Variants in PRKCH observed in about 807,000 individuals in gnomAD.
PRKCH encodes the protein protein kinase C eta, also known as protein kinase C eta type.
A neutral mutation model predicts 82.5 loss-of-function variants in PRKCH; 28 were observed. The ratio of observed to expected loss-of-function variants is 0.34; its 90% CI spans 0.25 to 0.47. PRKCH has a LOEUF of 0.47. Ranked by LOEUF, PRKCH falls within the 20% of genes least tolerant of loss-of-function variation. The pLI is 1.00. For synonymous variants in PRKCH, 322 were observed against 327.4 expected, an observed-to-expected ratio of 0.98 and a Z score of 0.18; for missense variants, 705 against 881.8, an observed-to-expected ratio of 0.80 and a Z score of 2.54.
At chr14:61,235,153 T>C (rs2044777415) in intron 1 of PRKCH, among the ~76,000 whole-genome samples, 1 of 152,178 alleles carries the variant, frequency 6.6e-6, no homozygotes, top group Admixed American at 6.5e-5. Flanking sequence ...ACCCCTTAAA[T>C]TTCCATAGTA....
intron 1 of PRKCH, among the ~76,000 whole-genome samples, chr14:61,253,914 A>T (rs2044970989): frequency 6.6e-6 from 1 of 152,016 alleles, no homozygotes; most frequent in African/African-American, 2.4e-5. Context: ...TAATTATTAA[A>T]GGTGAGGTAA....
chr14:61,219,623 C>G (rs984093884), intron 1 of PRKCH, among the ~76,000 whole-genome samples: 3 of 152,144 alleles, frequency 2.0e-5, no homozygotes, highest in Admixed American at 2.0e-4. Context: ...AGATCAGTTC[C>G]TTTATATCTT....
intron 10 of PRKCH, among the ~76,000 whole-genome samples, chr14:61,505,457 C>A (rs1339273847): frequency 7.5e-6 from 1 of 133,852 alleles, no homozygotes; most frequent in Non-Finnish European, 1.5e-5. Flanking sequence ...CCCACTGCAA[C>A]CTCCACCTAC....
Position 61,457,263 on chromosome 14 carries a change from C to A in PRKCH, c.1048C>A (p.Leu350Ile). ...GATTGGGGTTAATTCTTCCAACCGA[C>A]TTGGTATCGACAACTTTGAGTTCAT... Reference protein sequence around the residue: ...NGIGVNSSNRLGIDNFEFIRV... With the variant: ...NGIGVNSSNRIGIDNFEFIRV... The change falls in exon 8 of 14, where the codon CTT becomes ATT. Residue 350 changes from leucine (L) to isoleucine (I), a missense_variant. Leu to Ile is a conservative substitution (Grantham distance 5). This residue lies in a region of PRKCH where 238 missense variants were observed against 258.1 expected (regional missense o/e 0.92). Transcript: ENST00000332981. 1 of 1,614,176 alleles carries A rather than the reference C, an allele frequency of 6.2e-7. No homozygotes were observed. The highest frequency in any genetic ancestry group is 1.1e-5 in the South Asian group (1 of 91,082).
At chr14:61,194,398 C>T (rs918199734) in intron 1 of PRKCH, among the ~76,000 whole-genome samples, 1 of 152,184 alleles carries the variant, frequency 6.6e-6, no homozygotes, top group Non-Finnish European at 1.5e-5. Flanking sequence ...GGTGATAGCA[C>T]TCTCATGAGT....
chr14:61,190,594 C>T (rs775545475), intron 1 of PRKCH, among the ~76,000 whole-genome samples: 1 of 152,196 alleles, frequency 6.6e-6, no homozygotes, highest in Non-Finnish European at 1.5e-5. Context: ...AAATCTAAAC[C>T]GTGTTCTCCA....
chr14:61,274,477 T>C (rs187101441), intron 1 of PRKCH, among the ~76,000 whole-genome samples: 3 of 152,218 alleles, frequency 2.0e-5, no homozygotes, highest in Admixed American at 2.0e-4. Flanking sequence ...TGGAGCCCAA[T>C]TAGGAGGCTT....
intron 1 of PRKCH, among the ~76,000 whole-genome samples, chr14:61,252,041 T>C (rs1256548737): frequency 6.6e-6 from 1 of 152,188 alleles, no homozygotes; most frequent in Non-Finnish European, 1.5e-5. Context: ...GGTTTCACCA[T>C]GTTGGTCAGG....
chr14:61,504,752 G>A (rs975365362), intron 10 of PRKCH, among the ~76,000 whole-genome samples: 1 of 152,126 alleles, frequency 6.6e-6, no homozygotes, highest in Non-Finnish European at 1.5e-5. Flanking sequence ...CTTAGTTTCA[G>A]AGACACACTG....
chr14:61,236,431 C>G (rs1033336956), intron 1 of PRKCH, among the ~76,000 whole-genome samples: 13 of 151,764 alleles, frequency 8.6e-5, no homozygotes, highest in African/African-American at 2.9e-4. Flanking sequence ...CTGGCTCCAC[C>G]GGGCGCAGTA....
At chr14:61,392,087 T>G (rs530559217) in intron 2 of PRKCH, among the ~76,000 whole-genome samples, 1 of 152,308 alleles carries the variant, frequency 6.6e-6, no homozygotes, top group South Asian at 2.1e-4. Flanking sequence ...ATATCAGTAT[T>G]TTTTTCATTT....
chr14:61,468,664 GA>G lies in PRKCH; in HGVS notation c.1278+10988del, dbSNP rs545369364. The stretch of plus-strand genomic sequence containing the variant: ...GATATTTGGTGTGACAAAAGGATTT[GA>G]AATAGTTGGCCTGTTTTTTTCAGTT... On this transcript the variant is annotated intron_variant, in intron 9 of 13. Transcript: ENST00000332981. 1.7e-3 allele frequency among the ~76,000 whole-genome samples: 255 copies of G among 149,384 alleles called. 3 individuals carry two copies. The highest frequency in any genetic ancestry group is 0.01 in the Middle Eastern group (3 of 292).
At position 61,392,676 on chromosome 14, in the gene PRKCH, C is replaced by T. The variant is rs551481284; in HGVS notation, c.427+1388C>T. Reference sequence around the variant, plus strand: ...AAATAGGTATTGTGATTACTTTTTCCCAGTCTGTGGCTTGCCTTTTCATTT... The same window carrying T: ...AAATAGGTATTGTGATTACTTTTTCTCAGTCTGTGGCTTGCCTTTTCATTT... On this transcript the variant is annotated intron_variant, in intron 2 of 13. Transcript: ENST00000332981. 2.6e-5 allele frequency among the ~76,000 whole-genome samples: 4 copies of T among 151,988 alleles called. No homozygotes were observed. In the South Asian group the frequency reaches 8.3e-4, roughly 32 times the overall value.
chr14:61,509,889 T>C (rs752078079), intron 10 of PRKCH, among the ~76,000 whole-genome samples: 1 of 152,120 alleles, frequency 6.6e-6, no homozygotes, highest in Non-Finnish European at 1.5e-5. Context: ...CCCTCCATCC[T>C]GGGTGACAAA....
intron 1 of PRKCH, among the ~76,000 whole-genome samples, chr14:61,200,068 T>C (rs1341020973): frequency 6.6e-6 from 1 of 152,182 alleles, no homozygotes; most frequent in African/African-American, 2.4e-5. Flanking sequence ...CAAGTGCAGG[T>C]TGGAACTTTA....
chr14:61,232,817 A>C (rs765806022), intron 1 of PRKCH, among the ~76,000 whole-genome samples: 33 of 152,116 alleles, frequency 2.2e-4, no homozygotes, highest in Non-Finnish European at 3.7e-4. Context: ...TGAAAGTCCC[A>C]ACCCTCTAAT....
intron 1 of PRKCH, among the ~76,000 whole-genome samples, chr14:61,201,956 A>C (rs768925626): frequency 1.3e-5 from 2 of 152,146 alleles, no homozygotes; most frequent in Non-Finnish European, 2.9e-5. Flanking sequence ...TCTTTATTTT[A>C]TTTCTTTCCA....
chr14:61,486,609 T>A (rs1218382496), intron 10 of PRKCH, among the ~76,000 whole-genome samples: 1 of 152,214 alleles, frequency 6.6e-6, no homozygotes, highest in Non-Finnish European at 1.5e-5. Flanking sequence ...TTTTTTCTGC[T>A]GTTAGTGTCC....
chr14:61,465,599 C>T (rs188847254), intron 9 of PRKCH, among the ~76,000 whole-genome samples: 6 of 152,276 alleles, frequency 3.9e-5, no homozygotes, highest in Admixed American at 3.9e-4. Context: ...GTTTTTATGC[C>T]AGTACCATAA....
Sources: gnomAD v4.1 joint callset for allele counts (sites outside exome capture counted in the v4.1 genomes callset) on GRCh38, gnomAD v4.1.1 for gene constraint, gnomAD v4.1.1 regional missense constraint, MANE v1.5 for transcripts, NCBI Gene and HGNC (gene_info 2026-07-23, HGNC 2026-07-21) for gene names.